Variants in IARS2 observed in about 807,000 individuals in gnomAD.
The protein encoded by IARS2 is isoleucyl-tRNA synthetase 2, mitochondrial.
IARS2 carries 56 observed loss-of-function variants against 126.3 expected under a neutral mutation model. The observed-to-expected ratio is 0.44, with a 90% confidence interval of 0.36 to 0.55. The LOEUF (loss-of-function observed/expected upper bound fraction) is 0.55, where lower values mean the gene tolerates loss of function less well. Ranked by LOEUF, IARS2 falls within the 20% of genes least tolerant of loss-of-function variation. IARS2 has a pLI of 0.00. For synonymous variants in IARS2, 407 were observed against 441.1 expected (o/e 0.92, Z 0.97); for missense variants, 1,127 against 1,245.9 (o/e 0.90, Z 1.44).
chr1:220,143,462 C>T (rs1275651025), intron 21 of IARS2: 4 of 201,240 alleles, frequency 2.0e-5, no homozygotes, highest in South Asian at 1.1e-4. Context: ...TCTTGTAAAA[C>T]GTGTTCTGTG....
chr1:220,094,973 T>TAA (rs138663487), intron 1 of IARS2, among the ~76,000 whole-genome samples: 6 of 149,024 alleles, frequency 4.0e-5, no homozygotes, highest in Non-Finnish European at 8.9e-5. Flanking sequence ...CCCCCGTCCT[T>TAA]AAAAAAAACC....
chr1:220,095,959 T>C (rs772762107), intron 1 of IARS2, 145 bp from the exon 2 acceptor site: 12 of 544,482 alleles, frequency 2.2e-5, no homozygotes, highest in Non-Finnish European at 3.9e-5. Flanking sequence ...AACCTCACCT[T>C]GTATTTCAGA....
At chr1:220,126,595 A>G (rs975484808) in intron 13 of IARS2, among the ~76,000 whole-genome samples, 155 bp from the exon 14 acceptor site, 1 of 152,230 alleles carries the variant, frequency 6.6e-6, no homozygotes, top group Admixed American at 6.5e-5. Context: ...AGGGAGTTGA[A>G]GTTAACTGTG....
At chr1:220,117,435 A>G (rs1045769470) in intron 12 of IARS2, among the ~76,000 whole-genome samples, 2 of 151,726 alleles carry the variant, frequency 1.3e-5, no homozygotes, top group African/African-American at 2.4e-5. Flanking sequence ...CCCGACCTCA[A>G]GTGATCCGCC....
chr1:220,119,050 T>C (rs1263792014), intron 12 of IARS2, among the ~76,000 whole-genome samples: 1 of 152,186 alleles, frequency 6.6e-6, no homozygotes, highest in Admixed American at 6.5e-5. Context: ...TTTTTGCTTA[T>C]AAAGGCAAAA....
rs775037446 is a variant in IARS2 at position 220,110,921 on chromosome 1, T to C, written c.1463T>C (p.Ile488Thr). 4 of 1,612,982 alleles carry C rather than the reference T, an allele frequency of 2.5e-6. No individual in the cohort carries two copies. In the African/African-American group the frequency reaches 4.0e-5, roughly 16 times the overall value. ...SKQWFINITDIKTAAKELLKK... is the reference protein window; with the variant it reads ...SKQWFINITDTKTAAKELLKK... ...CAGTGGTTTATAAACATCACGGATA[T>C]TAAGACTGCAGCCAAGGTATAAAAA... The change falls in exon 11 of 23, where the codon ATT becomes ACT. Residue 488 changes from isoleucine to threonine, a missense_variant. Transcript: ENST00000366922.
At chr1:220,097,956 G>A (rs970556320) in intron 2 of IARS2, among the ~76,000 whole-genome samples, 11 of 151,602 alleles carry the variant, frequency 7.3e-5, no homozygotes, top group Non-Finnish European at 1.3e-4. Flanking sequence ...CTCACTGCAA[G>A]CTCCGTCTCC....
Position 220,094,354 on chromosome 1 carries a change from C to T in IARS2, c.138C>T (p.Ser46=), listed in dbSNP as rs1656391687. The T allele has an allele frequency of 6.2e-7, 1 of 1,612,972 alleles. No homozygotes were observed. Among genetic ancestry groups the T allele is most frequent in the Non-Finnish European group, 8.5e-7 (1 of 1,179,702 alleles). Residue 46 remains serine, a synonymous_variant, in exon 1 of 23, where the codon TCC becomes TCT. Coordinates refer to ENST00000366922, the MANE Select transcript of IARS2 (RefSeq NM_018060.4). The part of the protein sequence containing the change: ...ATKRLLVRSV[S]GASNHQPNSN... Reference sequence around the variant, plus strand: ...AGAGGCTTCTGGTGCGGTCGGTCTCCGGGGCCAGTAACCACCAGCCGAACT... The same window carrying T: ...AGAGGCTTCTGGTGCGGTCGGTCTCTGGGGCCAGTAACCACCAGCCGAACT...
chr1:220,143,831 A>T (rs1371606276), intron 21 of IARS2: 1 of 515,150 alleles, frequency 1.9e-6, no homozygotes, highest in Non-Finnish European at 3.4e-6. Flanking sequence ...TTGATTGGCC[A>T]GATTGGCTTA....
At chr1:220,118,721 A>G (rs1277946414) in intron 12 of IARS2, among the ~76,000 whole-genome samples, 1 of 152,122 alleles carries the variant, frequency 6.6e-6, no homozygotes, top group Non-Finnish European at 1.5e-5. Flanking sequence ...ATTATGAGAA[A>G]TTTAGTAAAA....
At chr1:220,110,703 G>T in intron 10 of IARS2, 83 bp from the exon 11 acceptor site, 1 of 1,073,234 alleles carries the variant, frequency 9.3e-7, no homozygotes. Context: ...TGCAGATTTA[G>T]TATTTTCTGG....
intron 12 of IARS2, among the ~76,000 whole-genome samples, chr1:220,115,346 A>G (rs1041371785): frequency 2.0e-5 from 3 of 151,954 alleles, no homozygotes; most frequent in Non-Finnish European, 2.9e-5. Flanking sequence ...GTGTATCATG[A>G]GGTCAGGAGT....
At chr1:220,132,373 T>C (rs931811633) in intron 14 of IARS2, among the ~76,000 whole-genome samples, 7 of 152,190 alleles carry the variant, frequency 4.6e-5, no homozygotes, top group Non-Finnish European at 8.8e-5. Context: ...ACTGTTCTAT[T>C]TCTTCCCGGT....
intron 18 of IARS2, 129 bp downstream of exon 18, chr1:220,139,268 T>C: frequency 1.7e-6 from 1 of 574,428 alleles, no homozygotes; most frequent in Admixed American, 3.7e-5. Flanking sequence ...AAGAGAAATA[T>C]GTCCAGACTT....
chr1:220,144,466 A>G, intron 21 of IARS2: 1 of 493,312 alleles, frequency 2.0e-6, no homozygotes, highest in South Asian at 2.5e-5. Flanking sequence ...ATTTTTAATG[A>G]TGTAATTAGC....
At chr1:220,109,313 T>C (rs1460519220) in intron 10 of IARS2, among the ~76,000 whole-genome samples, 1 of 150,996 alleles carries the variant, frequency 6.6e-6, no homozygotes, top group African/African-American at 2.4e-5. Flanking sequence ...GGCAGGAGAA[T>C]CACTTGAACC....
At chr1:220,094,583 CG>C in intron 1 of IARS2, 100 bp downstream of exon 1, 5 of 1,014,998 alleles carry the variant, frequency 4.9e-6, no homozygotes, top group Non-Finnish European at 7.0e-6. Context: ...CACGCCGGTG[CG>C]GGTGGGCGGG....
intron 14 of IARS2, among the ~76,000 whole-genome samples, chr1:220,130,728 T>C (rs1371666443): frequency 2.0e-5 from 3 of 152,124 alleles, no homozygotes; most frequent in African/African-American, 7.2e-5. Flanking sequence ...TGGCTAATTT[T>C]TTGTATTTTT....
chr1:220,142,476 T>C (rs1230468758), intron 20 of IARS2, among the ~76,000 whole-genome samples: 1 of 152,206 alleles, frequency 6.6e-6, no homozygotes, highest in Non-Finnish European at 1.5e-5. Context: ...TACTTCAGCC[T>C]GGGTGACAGA....
Sources: allele counts gnomAD v4.1 joint callset (sites outside exome capture counted in the v4.1 genomes callset), GRCh38; gene constraint gnomAD v4.1.1; transcripts MANE v1.5; gene names NCBI Gene and HGNC (gene_info 2026-07-23, HGNC 2026-07-21).